The following SIGLEC1 variants were observed in gnomAD, a reference collection of about 807,000 sequenced individuals.
The protein encoded by SIGLEC1 is sialic acid binding Ig like lectin 1.
A neutral mutation model predicts 148.0 loss-of-function variants in SIGLEC1; 132 were observed. The ratio of observed to expected loss-of-function variants is 0.89; its 90% CI spans 0.77 to 1.03. The LOEUF is 1.03. SIGLEC1 is among the 50% of genes least tolerant of loss of function. The pLI, the probability that SIGLEC1 is intolerant of heterozygous loss-of-function variation, is 0.00. For synonymous variants in SIGLEC1, 945 were observed against 969.0 expected, an observed-to-expected ratio of 0.98 and a Z score of 0.46; for missense variants, 2,253 against 2,271.4, an observed-to-expected ratio of 0.99 and a Z score of 0.16.
chr20:3,700,700 T>TTC (rs2087844201), intron 7 of SIGLEC1, among the ~76,000 whole-genome samples: 1 of 16,732 alleles, frequency 6.0e-5, no homozygotes. Flanking sequence ...TCTTTTTCTT[T>TTC]TTTTTTTTTT....
At chr20:3,703,530 C>A (rs2087869123) in intron 5 of SIGLEC1, 79 bp from the exon 6 acceptor site, 4 of 1,502,616 alleles carry the variant, frequency 2.7e-6, no homozygotes, top group Non-Finnish European at 8.9e-7. Flanking sequence ...CGGGTCTCAG[C>A]CAATCAGCCT....
chr20:3,694,751 C>T lies in SIGLEC1; in HGVS notation c.2856G>A (p.Leu952=), dbSNP rs772395235. ...SATLRFAAIT[L]TQAGAYHCQA... is the part of the protein sequence containing the mutation. ...GGCAATGATAGGCCCCAGCTTGTGT[C>T]AAAGTTATGGCTGCAAAGCGGAGCG... The change falls in exon 12 of 22, where the codon TTG becomes TTA. Residue 952 remains leucine (L), a synonymous_variant. Transcript: ENST00000344754. 1 of 1,613,734 alleles carries T rather than the reference C, an allele frequency of 6.2e-7. No homozygotes were observed. The highest frequency in any genetic ancestry group is 8.5e-7 in the Non-Finnish European group (1 of 1,180,026).
chr20:3,704,825 T>C (rs2087880581), intron 4 of SIGLEC1, among the ~76,000 whole-genome samples: 1 of 152,120 alleles, frequency 6.6e-6, no homozygotes, highest in Admixed American at 6.5e-5. Flanking sequence ...GGTCTCACTA[T>C]GTTGCCCAGG....
chr20:3,687,744 T>G lies in SIGLEC1; in HGVS notation c.*816A>C, dbSNP rs886832751. 6.6e-6 allele frequency: 1 copy of G among 152,260 alleles called. No individual in the cohort carries two copies. The highest frequency in any genetic ancestry group is 2.4e-5 in the African/African-American group (1 of 41,466). The allele number at this position is 152,260 out of a possible 1,614,324, so 9.4% of individuals were successfully genotyped here. Reference sequence around the variant, plus strand: ...CCAACAATGTCAAAAGTCTCAGGGATGAGCTCACAGTTGGGAGTCCTTTGG... The same window carrying G: ...CCAACAATGTCAAAAGTCTCAGGGAGGAGCTCACAGTTGGGAGTCCTTTGG... On this transcript the variant is annotated 3_prime_UTR_variant, in exon 22 of 22. Transcript: ENST00000344754.
In SIGLEC1 at chr20:3,689,780, T is replaced by A. The variant is rs181461086; in HGVS notation, c.4895-78A>T. 1.9e-4 allele frequency: 252 copies of A among 1,351,876 alleles called. 2 individuals are homozygous for A. In the East Asian group the frequency reaches 6.3e-3, roughly 34 times the overall value. The allele number at this position is 1,351,876 out of a possible 1,614,324, so 83.7% of individuals were successfully genotyped here. On this transcript the variant is annotated intron_variant, in intron 19 of 21. Coordinates refer to ENST00000344754, the MANE Select transcript of SIGLEC1 (RefSeq NM_023068.4). Reference sequence around the variant, plus strand: ...TCCTTCCAAGGGGACCCACCCAAGATGACACCTTCTAACTTTTGCTTTATC... The same window carrying A: ...TCCTTCCAAGGGGACCCACCCAAGAAGACACCTTCTAACTTTTGCTTTATC...
intron 7 of SIGLEC1, 134 bp from the exon 8 acceptor site, chr20:3,699,593 G>T (rs935267798): frequency 1.0e-5 from 12 of 1,186,202 alleles, no homozygotes; most frequent in Non-Finnish European, 1.4e-5. Context: ...GCATCAGGAG[G>T]GTTTGCCCTT....
At chr20:3,689,447 C>G in intron 20 of SIGLEC1, 153 bp downstream of exon 20, 1 of 660,648 alleles carries the variant, frequency 1.5e-6, no homozygotes, top group Non-Finnish European at 2.6e-6. Flanking sequence ...AGGGACAATT[C>G]TAGAAGGGAT....
intron 1 of SIGLEC1, among the ~76,000 whole-genome samples, chr20:3,711,482 C>CG (rs1227725308): frequency 6.6e-6 from 1 of 152,114 alleles, no homozygotes; most frequent in East Asian, 1.9e-4. Context: ...CAGCTAGGCC[C>CG]GGGTGTAGGA....
chr20:3,696,956 C>T (rs2087806502), intron 10 of SIGLEC1, 68 bp from the exon 11 acceptor site: 1 of 1,531,468 alleles, frequency 6.5e-7, no homozygotes, highest in Admixed American at 1.9e-5. Flanking sequence ...ACACTATGTC[C>T]CCCACCTCCT....
Position 3,697,177 on chromosome 20 carries a change from G to A in SIGLEC1, c.2288C>T (p.Pro763Leu). The change falls in exon 10 of 22, where the codon CCC becomes CTC. Residue 763 changes from proline to leucine, a missense_variant. By Grantham distance (98) the Pro-to-Leu change is moderately conservative. Transcript: ENST00000344754. ...AAGGGCAGCATCAGTTCTGGCCACGGGCAGCAGTGTCACGGTCTCCAGGGG... is the reference window on the plus strand; with the variant it reads ...AAGGGCAGCATCAGTTCTGGCCACGAGCAGCAGTGTCACGGTCTCCAGGGG... ...QGPLETVTLL[P>L]VARTDAALYA... 1 of 1,613,830 alleles carries A rather than the reference G, an allele frequency of 6.2e-7. No homozygotes were observed. Among genetic ancestry groups the A allele is most frequent in the Non-Finnish European group, 8.5e-7 (1 of 1,180,032 alleles).
At chr20:3,702,072 G>A (rs1185414680) in intron 6 of SIGLEC1, among the ~76,000 whole-genome samples, 1 of 152,020 alleles carries the variant, frequency 6.6e-6, no homozygotes, top group African/African-American at 2.4e-5. Context: ...GTGGAGTGAG[G>A]GACCTCCTCA....
chr20:3,694,787 C>G lies in SIGLEC1; in HGVS notation c.2820G>C (p.Ser940=). 1 of 1,613,586 alleles carries G rather than the reference C, an allele frequency of 6.2e-7. No individual in the cohort carries two copies. The highest frequency in any genetic ancestry group is 1.3e-5 in the African/African-American group (1 of 75,030). ...CTGCAAAGCGGAGCGTGGCCGAGGT[C>G]GACTCCTGGAGGGGCTGGCCATCCC... ...WYRDGQPLQE[S]TSATLRFAAI... Residue 940 remains serine (S), a synonymous_variant, in exon 12 of 22, where the codon TCG becomes TCC. Coordinates refer to ENST00000344754, the MANE Select transcript of SIGLEC1 (RefSeq NM_023068.4).
intron 17 of SIGLEC1, 63 bp downstream of exon 17, chr20:3,691,840 C>G: frequency 8.6e-6 from 13 of 1,507,320 alleles, no homozygotes; most frequent in Non-Finnish European, 1.2e-5. Context: ...GAGCTCCAGC[C>G]CCTCTCGTGG....
rs535535240 is a variant in SIGLEC1 at position 3,703,521 on chromosome 20, G to A, written c.974-70C>T. The A allele has an allele frequency of 3.8e-5, 58 of 1,516,000 alleles. 1 individual carries two copies. The South Asian group carries it at 4.6e-4, about 12-fold the overall frequency. 93.9% of individuals were successfully genotyped at this position (1,516,000 alleles called of 1,614,324 possible). On this transcript the variant is annotated intron_variant, in intron 5 of 21. Coordinates refer to ENST00000344754, the MANE Select transcript of SIGLEC1 (RefSeq NM_023068.4). ...CCAGCCCCAGCCCCATACAGTCCCC[G>A]GGTCTCAGCCAATCAGCCTCAATCT...
At chr20:3,700,164 C>CTG (rs1177601610) in intron 7 of SIGLEC1, among the ~76,000 whole-genome samples, 1 of 116,250 alleles carries the variant, frequency 8.6e-6, no homozygotes, top group Non-Finnish European at 1.6e-5. Flanking sequence ...GTCAGCCAGG[C>CTG]TGGAGTGCAG....
At chr20:3,711,455 G>A (rs550295707) in intron 1 of SIGLEC1, among the ~76,000 whole-genome samples, 38 of 152,304 alleles carry the variant, frequency 2.5e-4, no homozygotes, top group Admixed American at 1.7e-3. Context: ...AAAGGGCAGA[G>A]GCAGTTTCCC....
At chr20:3,711,056 T>A (rs1228855815) in intron 1 of SIGLEC1, among the ~76,000 whole-genome samples, 2 of 152,162 alleles carry the variant, frequency 1.3e-5, no homozygotes, top group African/African-American at 2.4e-5. Context: ...TGTGGCCTAG[T>A]GAGCACGCAG....
chr20:3,691,743 G>GC (rs989630105), intron 17 of SIGLEC1, 143 bp from the exon 18 acceptor site: 1 of 1,329,268 alleles, frequency 7.5e-7, no homozygotes, highest in Non-Finnish European at 1.0e-6. Context: ...GTGGAACCAT[G>GC]CCCCCTCCAG....
chr20:3,712,342 T>G (rs2087933166), intron 1 of SIGLEC1, among the ~76,000 whole-genome samples, 128 bp downstream of exon 1: 1 of 149,118 alleles, frequency 6.7e-6, no homozygotes. Flanking sequence ...TGGTTTGGGG[T>G]CCACCACTCG....
Sources: gnomAD v4.1 joint callset for allele counts (sites outside exome capture counted in the v4.1 genomes callset) on GRCh38, gnomAD v4.1.1 for gene constraint, MANE v1.5 for transcripts, NCBI Gene and HGNC (gene_info 2026-07-23, HGNC 2026-07-21) for gene names.